The following KIAA1217 variants were observed in gnomAD, a reference collection of about 807,000 sequenced individuals.
The protein encoded by KIAA1217 is KIAA1217.
In KIAA1217, 88 loss-of-function variants were observed where a neutral mutation model predicts 163.9. The ratio of observed to expected loss-of-function variants is 0.54; its 90% CI spans 0.45 to 0.64. KIAA1217 has a LOEUF of 0.64. Among genes scored for constraint, KIAA1217 ranks in the 30% least tolerant of loss-of-function variants. KIAA1217 has a pLI of 0.00. For synonymous variants in KIAA1217, 903 were observed against 923.1 expected (o/e 0.98, Z 0.39); for missense variants, 2,372 against 2,475.0 (o/e 0.96, Z 0.88).
chr10:23,860,464 T>C (rs1307745369), intron 1 of KIAA1217, among the ~76,000 whole-genome samples: 1 of 152,184 alleles, frequency 6.6e-6, no homozygotes, highest in Non-Finnish European at 1.5e-5. Context: ...AGGTATATAA[T>C]TTAATGACAA....
chr10:23,926,209 G>A (rs1292765146), intron 1 of KIAA1217, among the ~76,000 whole-genome samples: 2 of 152,174 alleles, frequency 1.3e-5, no homozygotes, highest in Non-Finnish European at 2.9e-5. Flanking sequence ...CCAGGGCCGG[G>A]ATGGGTGGAG....
At chr10:24,152,419 G>T (rs181261421) in intron 2 of KIAA1217, among the ~76,000 whole-genome samples, 4 of 151,972 alleles carry the variant, frequency 2.6e-5, no homozygotes, top group African/African-American at 4.8e-5. Flanking sequence ...AAACCTTTCC[G>T]TGTGAATCAG....
intron 1 of KIAA1217, among the ~76,000 whole-genome samples, chr10:23,789,777 A>G (rs953165767): frequency 6.6e-6 from 1 of 151,664 alleles, no homozygotes; most frequent in African/African-American, 2.4e-5. Context: ...TATAAGTACT[A>G]TTTCTCTAAC....
intron 2 of KIAA1217, among the ~76,000 whole-genome samples, chr10:24,059,173 T>A (rs1025813340): frequency 3.9e-5 from 6 of 152,198 alleles, no homozygotes; most frequent in African/African-American, 1.4e-4. Context: ...ATGTGGTGTA[T>A]CACATTAATT....
At chr10:24,018,377 A>T (rs1847582891) in intron 2 of KIAA1217, among the ~76,000 whole-genome samples, 2 of 152,090 alleles carry the variant, frequency 1.3e-5, no homozygotes, top group South Asian at 4.1e-4. Context: ...AGTAGGAACT[A>T]CATTAATCAT....
chr10:24,032,693 G>A (rs1848236831), intron 2 of KIAA1217, among the ~76,000 whole-genome samples: 1 of 152,256 alleles, frequency 6.6e-6, no homozygotes, highest in East Asian at 1.9e-4. Context: ...GGATAAATCT[G>A]AATATATATT....
At chr10:24,247,421 C>T (rs1044759861) in intron 2 of KIAA1217, among the ~76,000 whole-genome samples, 2 of 152,158 alleles carry the variant, frequency 1.3e-5, no homozygotes, top group African/African-American at 2.4e-5. Flanking sequence ...TGAGCTACTG[C>T]ACTCAGCCCA....
intron 2 of KIAA1217, among the ~76,000 whole-genome samples, chr10:24,161,069 GTCC>G (rs2065096196): frequency 1.3e-5 from 2 of 152,168 alleles, no homozygotes; most frequent in South Asian, 4.1e-4. Flanking sequence ...CAGACATCAA[GTCC>G]TTGTAAGGAG....
chr10:24,303,048 C>G (rs575811760), intron 2 of KIAA1217, among the ~76,000 whole-genome samples: 267 of 150,450 alleles, frequency 1.8e-3, no homozygotes, highest in African/African-American at 6.1e-3. Context: ...GGGTCTTGCT[C>G]TGTCACCCAG....
chr10:24,138,347 CTG>C lies in KIAA1217; in HGVS notation c.-170-81275_-170-81274del, dbSNP rs374849093. 7.1e-4 allele frequency among the ~76,000 whole-genome samples: 108 copies of C among 152,290 alleles called. 2 individuals carry two copies. In the East Asian group the frequency reaches 0.012, roughly 17 times the overall value. ...TTTATGTTTTAGAGATGGAGTCTGACTGTGTTTCCCAGGCTGGTCTTGAACTC... is the reference window on the plus strand; with the variant it reads ...TTTATGTTTTAGAGATGGAGTCTGACTGTTTCCCAGGCTGGTCTTGAACTC... On this transcript the variant is annotated intron_variant, in intron 2 of 18. Transcript: ENST00000376462.
chr10:24,503,519 G>C (rs955318717), intron 9 of KIAA1217, among the ~76,000 whole-genome samples: 3 of 152,180 alleles, frequency 2.0e-5, no homozygotes, highest in Non-Finnish European at 4.4e-5. Flanking sequence ...TGAAATGGAG[G>C]AGAGACCACA....
chr10:23,765,187 C>CTTTTTTTTTTTTTTTTTTTTT lies in KIAA1217; in HGVS notation c.-321+69958_-321+69978dup, dbSNP rs67342339. 5.3e-4 allele frequency among the ~76,000 whole-genome samples: 40 copies of CTTTTTTTTTTTTTTTTTTTTT among 75,358 alleles called. 4 individuals are homozygous for CTTTTTTTTTTTTTTTTTTTTT. Among genetic ancestry groups the CTTTTTTTTTTTTTTTTTTTTT allele is most frequent in the African/African-American group, 1.6e-3 (27 of 17,146 alleles). 49.4% of individuals were successfully genotyped at this position (75,358 alleles called of 152,430 possible). On this transcript the variant is annotated intron_variant, in intron 1 of 18. Coordinates refer to the KIAA1217 transcript ENST00000376462. Reference sequence around the variant, plus strand: ...TCTTTTGTTTTCCCTTTTTTGTTCTCTTTTTTTTTTTTTTTTTTTTTTTTT... The same window carrying CTTTTTTTTTTTTTTTTTTTTT: ...TCTTTTGTTTTCCCTTTTTTGTTCTCTTTTTTTTTTTTTTTTTTTTTTTTTTTTTTTTTTTTTTTTTTTTTT...
chr10:24,503,167 C>T (rs2067895054), intron 9 of KIAA1217, among the ~76,000 whole-genome samples: 1 of 152,174 alleles, frequency 6.6e-6, no homozygotes, highest in South Asian at 2.1e-4. Context: ...TCCCCTTGCC[C>T]TCTGCCTACC....
intron 2 of KIAA1217, among the ~76,000 whole-genome samples, chr10:24,339,445 A>T (rs1474467283): frequency 1.3e-5 from 2 of 152,236 alleles, no homozygotes; most frequent in East Asian, 3.8e-4. Context: ...TTACTTTCTT[A>T]GTATCAAAGT....
intron 1 of KIAA1217, among the ~76,000 whole-genome samples, chr10:23,771,224 G>A (rs1253352045): frequency 6.6e-6 from 1 of 152,118 alleles, no homozygotes; most frequent in Admixed American, 6.6e-5. Flanking sequence ...TACCCAATCT[G>A]TAGAGTCTCT....
rs868386577 is a variant in KIAA1217, at chr10:24,056,870, A to G, written c.-171+49496A>G. ...AGAAATATTGAACTGTGGTATTTTAAAAATAGATCTTCTAGAAATGAAAAA... is the reference window on the plus strand; with the variant it reads ...AGAAATATTGAACTGTGGTATTTTAGAAATAGATCTTCTAGAAATGAAAAA... On this transcript the variant is annotated intron_variant, in intron 2 of 18. Transcript: ENST00000376462. 4.1e-4 allele frequency among the ~76,000 whole-genome samples: 62 copies of G among 152,328 alleles called. 1 individual carries two copies. Among genetic ancestry groups the G allele is most frequent in the African/African-American group, 1.3e-3 (54 of 41,584 alleles).
intron 1 of KIAA1217, among the ~76,000 whole-genome samples, chr10:23,979,763 C>A (rs761399255): frequency 6.6e-6 from 1 of 152,120 alleles, no homozygotes; most frequent in African/African-American, 2.4e-5. Context: ...TCTCTCCCCT[C>A]ACTCCCTTCT....
intron 2 of KIAA1217, among the ~76,000 whole-genome samples, chr10:24,379,501 C>T (rs926859702): frequency 1.4e-4 from 22 of 152,092 alleles, no homozygotes; most frequent in African/African-American, 4.8e-4. Context: ...AAACACAGGG[C>T]GGAAGGTACT....
chr10:24,376,574 G>A (rs1017533456), intron 2 of KIAA1217, among the ~76,000 whole-genome samples: 1 of 152,144 alleles, frequency 6.6e-6, no homozygotes, highest in African/African-American at 2.4e-5. Context: ...ACCAGCCTGG[G>A]CAACAAAGTG....
Sources: gnomAD v4.1 joint callset for allele counts (sites outside exome capture counted in the v4.1 genomes callset) on GRCh38, gnomAD v4.1.1 for gene constraint, MANE v1.5 for transcripts, NCBI Gene and HGNC (gene_info 2026-07-23, HGNC 2026-07-21) for gene names.